SVIL: variants seen among roughly 807,000 people sequenced by gnomAD.
The protein encoded by SVIL is archvillin.
Under a neutral mutation model 240.4 loss-of-function variants are expected in SVIL, and 101 were observed. The ratio of observed to expected loss-of-function variants is 0.42; its 90% CI spans 0.36 to 0.50. SVIL has a LOEUF of 0.50. Ranked by LOEUF, SVIL falls within the 20% of genes least tolerant of loss-of-function variation. The pLI is 0.01. For synonymous variants in SVIL, 999 were observed against 1,100.0 expected (o/e 0.91, Z 1.82); for missense variants, 2,512 against 2,818.7 (o/e 0.89, Z 2.46).
rs916685909 is a variant in SVIL at position 29,595,372 on chromosome 10, G to A, written c.-200-26060C>T. Reference sequence around the variant, plus strand: ...CCACCCGGCACCCTCAGAGCAGCACGGCTCTGCTAGGGTATGGATGGCAGG... The same window carrying A: ...CCACCCGGCACCCTCAGAGCAGCACAGCTCTGCTAGGGTATGGATGGCAGG... On this transcript the variant is annotated intron_variant, in intron 1 of 37. Coordinates refer to ENST00000355867, the MANE Select transcript of SVIL (RefSeq NM_021738.3). Among the ~76,000 whole-genome samples, 4 of 152,184 alleles carry A rather than the reference G, an allele frequency of 2.6e-5. No individual in the cohort carries two copies. The East Asian group carries it at 5.8e-4, about 22-fold the overall frequency.
At chr10:29,676,873 C>A (rs915138812) in intron 2 of SVIL, among the ~76,000 whole-genome samples, 16 of 152,076 alleles carry the variant, frequency 1.1e-4, no homozygotes, top group Non-Finnish European at 1.5e-5. Context: ...ACCCTTGGGT[C>A]TTGGAAACAC....
chr10:29,512,951 G>T, intron 16 of SVIL, 90 bp from the exon 17 acceptor site: 2 of 1,505,262 alleles, frequency 1.3e-6, no homozygotes, highest in Non-Finnish European at 1.8e-6. Flanking sequence ...GGCGGCTTGG[G>T]CCAAGATATG....
At chr10:29,573,358 T>C (rs1955536468) in intron 1 of SVIL, among the ~76,000 whole-genome samples, 1 of 152,152 alleles carries the variant, frequency 6.6e-6, no homozygotes, top group Non-Finnish European at 1.5e-5. Flanking sequence ...ATGACATAGT[T>C]GTTGAAAGGA....
intron 1 of SVIL, among the ~76,000 whole-genome samples, chr10:29,717,286 T>C (rs2132683974): frequency 7.0e-6 from 1 of 142,912 alleles, no homozygotes; most frequent in South Asian, 2.3e-4. Context: ...GATTTATGTT[T>C]TTTTTCACAG....
chr10:29,721,443 T>C (rs545373087), intron 1 of SVIL, among the ~76,000 whole-genome samples: 2 of 150,382 alleles, frequency 1.3e-5, no homozygotes, highest in African/African-American at 2.5e-5. Context: ...GGAAAAAAGA[T>C]ACAACTGTAT....
intron 1 of SVIL, among the ~76,000 whole-genome samples, chr10:29,586,893 G>A (rs939836326): frequency 1.3e-5 from 2 of 152,196 alleles, no homozygotes; most frequent in Admixed American, 1.3e-4. Flanking sequence ...GCCTTTCGCA[G>A]GGTGGAGGGT....
intron 2 of SVIL, among the ~76,000 whole-genome samples, chr10:29,675,442 T>C (rs1960127410): frequency 6.6e-6 from 1 of 152,308 alleles, no homozygotes; most frequent in African/African-American, 2.4e-5. Context: ...AATTAAAGGT[T>C]ACAGTGAGCT....
rs528830481 is a variant in SVIL, at chr10:29,691,598, G to T, written c.-399-4947C>A. ...TAATAAATAATTTATGATTTAGTTTGTCCACTAATCCTGTCTCAGAGATCA... is the reference window on the plus strand; with the variant it reads ...TAATAAATAATTTATGATTTAGTTTTTCCACTAATCCTGTCTCAGAGATCA... On this transcript the variant is annotated intron_variant, in intron 1 of 35. Coordinates refer to the SVIL transcript ENST00000375400. 2.1e-4 allele frequency among the ~76,000 whole-genome samples: 32 copies of T among 152,290 alleles called. No homozygotes were observed. In the South Asian group the frequency reaches 2.5e-3, roughly 12 times the overall value.
chr10:29,714,252 C>T (rs1589564991), intron 1 of SVIL, among the ~76,000 whole-genome samples: 1 of 152,332 alleles, frequency 6.6e-6, no homozygotes, highest in Non-Finnish European at 1.5e-5. Context: ...CCTGAGTCAT[C>T]TCCATCCCGA....
At position 29,550,622 on chromosome 10, in the gene SVIL, G is replaced by C. The variant is rs1423875636; in HGVS notation, c.802C>G (p.Gln268Glu). 1 of 1,612,690 alleles carries C rather than the reference G, an allele frequency of 6.2e-7. No individual in the cohort carries two copies. Among genetic ancestry groups the C allele is most frequent in the Non-Finnish European group, 8.5e-7 (1 of 1,179,446 alleles). The stretch of plus-strand genomic sequence containing the variant: ...CTGGGTCGGGCCTCAGGGGATAGCT[G>C]TGGGTCACCAAAGGAGGGGCTCCGG... ...ASRSPSFGDPQLSPEARPSTG... is the reference protein window; with the variant it reads ...ASRSPSFGDPELSPEARPSTG... The change falls in exon 6 of 38, where the codon CAG (glutamine) becomes GAG (glutamate). Residue 268 changes from glutamine (Q) to glutamate (E), a missense_variant. By Grantham distance (29) the Gln-to-Glu change is conservative (BLOSUM62 2). Coordinates refer to ENST00000355867, the MANE Select transcript of SVIL (RefSeq NM_021738.3).
At chr10:29,608,846 T>A (rs1384891410) in intron 1 of SVIL, among the ~76,000 whole-genome samples, 1 of 152,202 alleles carries the variant, frequency 6.6e-6, no homozygotes, top group African/African-American at 2.4e-5. Context: ...ACCCTACCTT[T>A]AAGCCAGGGA....
intron 1 of SVIL, among the ~76,000 whole-genome samples, chr10:29,699,394 C>G (rs920384892): frequency 2.6e-5 from 4 of 152,068 alleles, no homozygotes; most frequent in Non-Finnish European, 1.5e-5. Flanking sequence ...CTCTGCCTCC[C>G]TGGGTTCAAG....
At chr10:29,548,261 A>T (rs1466153892) in intron 6 of SVIL, among the ~76,000 whole-genome samples, 2 of 152,166 alleles carry the variant, frequency 1.3e-5, no homozygotes, top group African/African-American at 4.8e-5. Flanking sequence ...GTGGGAAAAA[A>T]ATAGGGGTGT....
intron 2 of SVIL, among the ~76,000 whole-genome samples, chr10:29,673,147 C>T (rs1194265043): frequency 6.6e-6 from 1 of 152,152 alleles, no homozygotes; most frequent in African/African-American, 2.4e-5. Context: ...TTCCTGACCT[C>T]AGGTGATTCA....
chr10:29,600,207 A>AT (rs1165006880), intron 1 of SVIL, among the ~76,000 whole-genome samples: 5 of 152,226 alleles, frequency 3.3e-5, no homozygotes, highest in Admixed American at 2.0e-4. Flanking sequence ...GTCTGGCTGG[A>AT]TGAGCTCGTT....
chr10:29,562,427 G>A (rs368477655), intron 3 of SVIL, among the ~76,000 whole-genome samples: 1 of 152,196 alleles, frequency 6.6e-6, no homozygotes, highest in South Asian at 2.1e-4. Flanking sequence ...AAGTCTGCAC[G>A]GGCTGTTCGC....
chr10:29,658,247 TA>T (rs1329441266), intron 2 of SVIL, among the ~76,000 whole-genome samples: 3 of 152,242 alleles, frequency 2.0e-5, no homozygotes, highest in Admixed American at 2.0e-4. Flanking sequence ...AGGCAGTGGT[TA>T]AAGTATCTTT....
At chr10:29,685,627 T>C (rs891111619) in intron 2 of SVIL, among the ~76,000 whole-genome samples, 1 of 152,242 alleles carries the variant, frequency 6.6e-6, no homozygotes, top group Admixed American at 6.5e-5. Context: ...TGGTGTGAAA[T>C]GGTATCTCAC....
intron 5 of SVIL, among the ~76,000 whole-genome samples, chr10:29,554,227 C>G (rs762571024): frequency 3.3e-5 from 5 of 152,048 alleles, no homozygotes; most frequent in Admixed American, 6.6e-5. Context: ...GGGAGGATCA[C>G]TTGACCTTGG....
Sources: gnomAD v4.1 joint callset for allele counts (sites outside exome capture counted in the v4.1 genomes callset) on GRCh38, gnomAD v4.1.1 for gene constraint, MANE v1.5 for transcripts, NCBI Gene and HGNC (gene_info 2026-07-23, HGNC 2026-07-21) for gene names.